CCSER1: variants seen among roughly 807,000 people sequenced by gnomAD.
CCSER1 encodes coiled-coil serine rich protein 1, also known as serine-rich coiled-coil domain-containing protein 1.
CCSER1 carries 41 observed loss-of-function variants against 82.0 expected under a neutral mutation model. The observed-to-expected ratio is 0.50, with a 90% CI of 0.39 to 0.65. The LOEUF (loss-of-function observed/expected upper bound fraction) is 0.65. Ranked by LOEUF, CCSER1 falls within the 30% of genes least tolerant of loss-of-function variation. The pLI, the probability that CCSER1 is intolerant of heterozygous loss-of-function variation, is 0.00. For missense variants in CCSER1, 1,119 were observed against 1,064.2 expected (o/e 1.05, Z -0.72); for synonymous variants, 414 against 383.9 (o/e 1.08, Z -0.92).
At chr4:90,879,567 A>AGGAGGAG (rs1720931024) in intron 8 of CCSER1, among the ~76,000 whole-genome samples, 3 of 90,372 alleles carry the variant, frequency 3.3e-5, no homozygotes, top group Non-Finnish European at 7.6e-5. Flanking sequence ...AAGAAGAAGA[A>AGGAGGAG]GAGGAAGAAG....
At chr4:90,738,691 C>A (rs1746053276) in intron 7 of CCSER1, among the ~76,000 whole-genome samples, 1 of 152,160 alleles carries the variant, frequency 6.6e-6, no homozygotes, top group Non-Finnish European at 1.5e-5. Context: ...TTGGTGAATC[C>A]AGCCAGGCTT....
intron 10 of CCSER1, among the ~76,000 whole-genome samples, chr4:91,477,253 G>A (rs1757646279): frequency 1.3e-5 from 2 of 151,570 alleles, no homozygotes; most frequent in African/African-American, 4.8e-5. Context: ...TTAAAAATGA[G>A]CCAATGTTCT....
chr4:91,228,128 T>G (rs17209849), intron 10 of CCSER1, among the ~76,000 whole-genome samples: 1 of 151,946 alleles, frequency 6.6e-6, no homozygotes, highest in South Asian at 2.1e-4. Context: ...AAATCCTAGA[T>G]TGAGTGAGGA....
At chr4:90,717,148 C>T (rs1741776573) in intron 6 of CCSER1, among the ~76,000 whole-genome samples, 1 of 152,118 alleles carries the variant, frequency 6.6e-6, no homozygotes, top group Admixed American at 6.6e-5. Flanking sequence ...GGCTTCTGTG[C>T]CATTTTGTGA....
rs190246673 is a variant in CCSER1, at chr4:91,377,110, T to C, written c.2218-221462T>C. On this transcript the variant is annotated intron_variant, in intron 10 of 10. Coordinates refer to ENST00000509176, the MANE Select transcript of CCSER1 (RefSeq NM_001145065.2). ...TTTTTTATGGCTGCATAGTATTCCA[T>C]GGTATATATGTGTCACATTTTCTTA... 1.9e-3 allele frequency among the ~76,000 whole-genome samples: 285 copies of C among 152,282 alleles called. 3 individuals are homozygous for C. The highest frequency in any genetic ancestry group is 1.1e-3 in the Non-Finnish European group (77 of 68,028).
chr4:90,917,468 A>G (rs1297430161), intron 8 of CCSER1, among the ~76,000 whole-genome samples: 1 of 152,158 alleles, frequency 6.6e-6, no homozygotes, highest in Admixed American at 6.6e-5. Flanking sequence ...GAACAATGAG[A>G]ACACTTGGAC....
chr4:91,479,663 C>A (rs1757781455), intron 10 of CCSER1, among the ~76,000 whole-genome samples: 2 of 150,140 alleles, frequency 1.3e-5, no homozygotes, highest in African/African-American at 2.4e-5. Flanking sequence ...ATTGGTACAA[C>A]ATTTATGGAA....
At chr4:90,786,288 T>G (rs17017577) in intron 7 of CCSER1, among the ~76,000 whole-genome samples, 8,746 of 152,284 alleles carry the variant, frequency 0.057, 360 homozygotes, top group Admixed American at 0.11. Context: ...AATAATGATG[T>G]TCAAGATATA....
chr4:91,279,315 T>G (rs1348122232), intron 10 of CCSER1, among the ~76,000 whole-genome samples: 2 of 152,188 alleles, frequency 1.3e-5, no homozygotes, highest in Non-Finnish European at 1.5e-5. Flanking sequence ...TCAGTTATTA[T>G]TTCAATAAGT....
chr4:90,795,469 A>T (rs189948140), intron 7 of CCSER1, among the ~76,000 whole-genome samples: 19 of 152,206 alleles, frequency 1.2e-4, no homozygotes, highest in African/African-American at 4.6e-4. Context: ...CTATCTTCCT[A>T]TTCGGATGTC....
chr4:90,757,023 T>C (rs1229815048), intron 7 of CCSER1, among the ~76,000 whole-genome samples: 1 of 152,194 alleles, frequency 6.6e-6, no homozygotes, highest in Non-Finnish European at 1.5e-5. Context: ...GGAAGTAACT[T>C]TTCTTTGCTC....
At chr4:90,537,001 C>T (rs180689475) in intron 5 of CCSER1, among the ~76,000 whole-genome samples, 284 of 152,278 alleles carry the variant, frequency 1.9e-3, no homozygotes, top group Non-Finnish European at 2.7e-3. Context: ...CTGATTATCT[C>T]ATCTTAGTAA....
intron 9 of CCSER1, among the ~76,000 whole-genome samples, chr4:90,975,740 C>A (rs1281490368): frequency 6.6e-6 from 1 of 151,080 alleles, no homozygotes; most frequent in African/African-American, 2.4e-5. Context: ...ACATTATTAC[C>A]AATGTGTTTT....
intron 4 of CCSER1, among the ~76,000 whole-genome samples, chr4:90,423,555 ACCTCCG>A (rs1281374291): frequency 6.7e-6 from 1 of 150,056 alleles, no homozygotes. Context: ...TTTTTTATTA[ACCTCCG>A]CCTCCTGAGT....
chr4:90,443,284 G>C (rs973212825), intron 4 of CCSER1, among the ~76,000 whole-genome samples: 1 of 151,998 alleles, frequency 6.6e-6, no homozygotes, highest in Admixed American at 6.6e-5. Context: ...TGAATTTCCA[G>C]CATCATTATT....
intron 9 of CCSER1, among the ~76,000 whole-genome samples, chr4:90,976,195 T>C (rs990207176): frequency 4.6e-5 from 7 of 151,292 alleles, no homozygotes; most frequent in Non-Finnish European, 1.0e-4. Context: ...ATTTTTAATT[T>C]ACATTAAAAG....
intron 9 of CCSER1, among the ~76,000 whole-genome samples, chr4:91,068,482 G>A (rs1259030995): frequency 6.6e-6 from 1 of 152,078 alleles, no homozygotes; most frequent in African/African-American, 2.4e-5. Flanking sequence ...ATTTAATAAA[G>A]TAAGATTTCC....
chr4:90,374,369 G>A (rs1973143), intron 3 of CCSER1, among the ~76,000 whole-genome samples: 55,436 of 151,908 alleles, frequency 0.36, 10,638 homozygotes, highest in African/African-American at 0.47. Flanking sequence ...AGAGCTGCTT[G>A]AACAGTGCTG....
chr4:90,643,903 C>G (rs144320118), intron 6 of CCSER1, among the ~76,000 whole-genome samples: 233 of 152,122 alleles, frequency 1.5e-3, no homozygotes, highest in Non-Finnish European at 2.4e-3. Flanking sequence ...CTTCTCTTTC[C>G]CCCTTAAAAA....
Sources: allele counts gnomAD v4.1 joint callset (sites outside exome capture counted in the v4.1 genomes callset), GRCh38; gene constraint gnomAD v4.1.1; transcripts MANE v1.5; gene names NCBI Gene and HGNC (gene_info 2026-07-23, HGNC 2026-07-21).